NUGGC: variants seen among roughly 807,000 people sequenced by gnomAD.
NUGGC encodes nuclear GTPase, germinal center associated, also known as nuclear GTPase SLIP-GC.
In NUGGC, 58 loss-of-function variants were observed where a neutral mutation model predicts 92.6. The ratio of observed to expected loss-of-function variants is 0.63; its 90% CI spans 0.51 to 0.78. NUGGC has a LOEUF of 0.78. Ranked by LOEUF, NUGGC falls within the 30% of genes least tolerant of loss-of-function variation. The pLI is 0.00. For missense variants in NUGGC, 925 were observed against 964.6 expected (o/e 0.96, Z 0.54); for synonymous variants, 376 against 366.4 (o/e 1.03, Z -0.30).
chr8:28,033,571 G>T lies in NUGGC; in HGVS notation c.1738C>A (p.Gln580Lys), dbSNP rs1809477841. Residue 580 changes from glutamine (Q) to lysine (K), a missense_variant, in exon 14 of 19, where the codon CAG becomes AAG. Physicochemically the swap from Gln to Lys is moderately conservative, Grantham distance 53 (BLOSUM62 1). Coordinates refer to ENST00000413272, the MANE Select transcript of NUGGC (RefSeq NM_001010906.2). ...ATGCTTCCAAAAACAGGGTCGATCT[G>T]GTCATAGACGGGCTGAGTGAGGGCT... ...NEALTQPVYD[Q>K]IDPVFGSIFR... 1.2e-6 allele frequency: 2 copies of T among 1,613,984 alleles called. No homozygotes were observed. Among genetic ancestry groups the T allele is most frequent in the Middle Eastern group, 1.6e-4 (1 of 6,062 alleles).
Position 28,064,620 on chromosome 8 carries a change from T to G in NUGGC, c.823A>C (p.Thr275Pro), listed in dbSNP as rs774219993. The stretch of plus-strand genomic sequence containing the variant: ...GGGATCAGGTCGGATTTGGGAAGTG[T>G]CACTTCCACATGTTTGATCAAGGGC... ...IWPLIKHVEVTLPKSDLIPEG... is the reference protein window; with the variant it reads ...IWPLIKHVEVPLPKSDLIPEG... The change falls in exon 7 of 19, where the codon ACA (threonine) becomes CCA (proline). Residue 275 changes from threonine to proline, a missense_variant. Physicochemically the swap from Thr to Pro is conservative, Grantham distance 38. Transcript: ENST00000413272. 6.2e-7 allele frequency: 1 copy of G among 1,613,902 alleles called. No individual in the cohort carries two copies. Among genetic ancestry groups the G allele is most frequent in the Non-Finnish European group, 8.5e-7 (1 of 1,179,802 alleles).
intron 12 of NUGGC, 37 bp from the exon 13 acceptor site, chr8:28,041,252 C>G (rs564920100): frequency 1.3e-5 from 20 of 1,578,434 alleles, no homozygotes; most frequent in Admixed American, 3.5e-5. Flanking sequence ...AGGCCACCCC[C>G]TCCCTAAGGG....
intron 1 of NUGGC, among the ~76,000 whole-genome samples, chr8:28,078,780 A>G (rs527997169): frequency 7.2e-5 from 11 of 152,336 alleles, no homozygotes; most frequent in African/African-American, 2.4e-4. Context: ...AATGAGCTAC[A>G]GGAGTATAGT....
intron 6 of NUGGC, among the ~76,000 whole-genome samples, 190 bp from the exon 7 acceptor site, chr8:28,064,921 C>A (rs1329531071): frequency 6.6e-6 from 1 of 152,162 alleles, no homozygotes; most frequent in African/African-American, 2.4e-5. Flanking sequence ...GGAGCAAGTT[C>A]AAGATCCTTA....
At position 28,068,333 on chromosome 8, in the gene NUGGC, G is replaced by A; in HGVS notation, c.363C>T (p.Ile121=). 1 of 1,566,592 alleles carries A rather than the reference G, an allele frequency of 6.4e-7. No homozygotes were observed. The highest frequency in any genetic ancestry group is 1.4e-5 in the African/African-American group (1 of 73,986). The change falls in exon 5 of 19, where the codon ATC becomes ATT. Residue 121 remains isoleucine (I), a synonymous_variant. Transcript: ENST00000413272. The part of the protein sequence containing the change: ...AGKSSLINAI[I]QQAMFLPVSG... Reference sequence around the variant, plus strand: ...ACACTGGTAGAAACATTGCTTGCTGGATGATGGCATTGATCAGGGAGCTCT... The same window carrying A: ...ACACTGGTAGAAACATTGCTTGCTGAATGATGGCATTGATCAGGGAGCTCT...
chr8:28,071,263 G>A (rs574066160), intron 2 of NUGGC, among the ~76,000 whole-genome samples: 6 of 152,192 alleles, frequency 3.9e-5, no homozygotes, highest in South Asian at 2.1e-4. Context: ...AGCTGAAGAC[G>A]GGGTTAAGTG....
At chr8:28,079,933 T>TTTGC (rs1333104952) in intron 1 of NUGGC, among the ~76,000 whole-genome samples, 1 of 23,576 alleles carries the variant, frequency 4.2e-5, no homozygotes, top group Non-Finnish European at 1.1e-4. Flanking sequence ...TCTTTGTTTT[T>TTTGC]TTGTTTGTTT....
chr8:28,075,767 T>C (rs1283390989), intron 1 of NUGGC, among the ~76,000 whole-genome samples: 1 of 152,240 alleles, frequency 6.6e-6, no homozygotes, highest in African/African-American at 2.4e-5. Flanking sequence ...AAACGGCTTC[T>C]GTATTTGGTG....
intron 10 of NUGGC, among the ~76,000 whole-genome samples, chr8:28,049,303 C>T (rs2130158354): frequency 6.6e-6 from 1 of 152,132 alleles, no homozygotes; most frequent in South Asian, 2.1e-4. Context: ...TGAGATTTTG[C>T]TTTGATTGAG....
At chr8:28,047,766 G>A (rs1809877906) in intron 10 of NUGGC, among the ~76,000 whole-genome samples, 154 bp from the exon 11 acceptor site, 1 of 152,160 alleles carries the variant, frequency 6.6e-6, no homozygotes, top group Admixed American at 6.5e-5. Flanking sequence ...CTCAATGTCT[G>A]GTGTTGCCAT....
chr8:28,069,763 T>C (rs772455256), intron 3 of NUGGC, 111 bp from the exon 4 acceptor site: 1 of 723,426 alleles, frequency 1.4e-6, no homozygotes, highest in Non-Finnish European at 2.5e-6. Context: ...AAAAATGAAA[T>C]GAAAAGCCGA....
At position 28,070,103 on chromosome 8, in the gene NUGGC, G is replaced by A. The variant is rs546835201; in HGVS notation, c.148+149C>T. 548 of 1,433,718 alleles carry A rather than the reference G, an allele frequency of 3.8e-4. 2 individuals carry two copies. The highest frequency in any genetic ancestry group is 3.6e-3 in the South Asian group (227 of 63,708). 88.8% of individuals were successfully genotyped at this position (1,433,718 alleles called of 1,614,324 possible). A position where few individuals can be genotyped will look rare whatever the true frequency, so the allele number is the denominator to read the frequency against. ...GAGACAAATTGCCTAACTGCATACCGCTACAGAGACTTTGAGCCCTCTCTT... is the reference window on the plus strand; with the variant it reads ...GAGACAAATTGCCTAACTGCATACCACTACAGAGACTTTGAGCCCTCTCTT... On this transcript the variant is annotated intron_variant, in intron 3 of 18. Transcript: ENST00000413272.
At chr8:28,065,901 T>C (rs896386030) in intron 6 of NUGGC, among the ~76,000 whole-genome samples, 4 of 152,168 alleles carry the variant, frequency 2.6e-5, no homozygotes, top group African/African-American at 7.2e-5. Flanking sequence ...GCAGATACCG[T>C]AAGAGAGAAG....
chr8:28,074,456 C>T lies in NUGGC; in HGVS notation c.-46G>A. On this transcript the variant is annotated splice_region_variant and 5_prime_UTR_variant, in exon 2 of 19. Coordinates refer to ENST00000413272, the MANE Select transcript of NUGGC (RefSeq NM_001010906.2). ...GCTCTTCTCAGTTCAGGAGAACCAG[C>T]CTGTGAAGACAAAGTACAAAGACAG... 1 of 1,607,224 alleles carries T rather than the reference C, an allele frequency of 6.2e-7. No individual in the cohort carries two copies. Among genetic ancestry groups the T allele is most frequent in the Non-Finnish European group, 8.5e-7 (1 of 1,175,152 alleles).
chr8:28,067,156 C>A (rs912014857), intron 6 of NUGGC, among the ~76,000 whole-genome samples: 6 of 152,118 alleles, frequency 3.9e-5, no homozygotes, highest in African/African-American at 1.4e-4. Context: ...CTAAACCAAC[C>A]CCACCCCTAC....
rs1563219692 is a variant in NUGGC at position 28,045,555 on chromosome 8, T to C, written c.1418A>G (p.Asp473Gly). The C allele has an allele frequency of 6.2e-7, 1 of 1,612,676 alleles. No homozygotes were observed. The highest frequency in any genetic ancestry group is 2.2e-5 in the East Asian group (1 of 44,862). ...CAGGTTTTGCGTGGAGTTGAAACTA[T>C]CTGTGAGGAGCAACAGGCCAAAGGC... ...TEAFGLLLLTDSFNSTQNLPN... is the reference protein window; with the variant it reads ...TEAFGLLLLTGSFNSTQNLPN... Residue 473 changes from aspartate (D) to glycine (G), a missense_variant, in exon 12 of 19, where the codon GAT becomes GGT. Physicochemically the swap from Asp to Gly is moderately conservative, Grantham distance 94. Coordinates refer to ENST00000413272, the MANE Select transcript of NUGGC (RefSeq NM_001010906.2).
At chr8:28,051,654 A>G (rs542580974) in intron 10 of NUGGC, among the ~76,000 whole-genome samples, 9 of 152,332 alleles carry the variant, frequency 5.9e-5, no homozygotes, top group African/African-American at 2.2e-4. Context: ...GGCCAGGTGC[A>G]TTGGCTCATG....
At chr8:28,054,208 G>A (rs66913624) in intron 10 of NUGGC, among the ~76,000 whole-genome samples, 29,746 of 152,116 alleles carry the variant, frequency 0.2, 3,385 homozygotes, top group East Asian at 0.42. Flanking sequence ...TAGGCCAGAC[G>A]TGGTGGCTCA....
intron 17 of NUGGC, among the ~76,000 whole-genome samples, chr8:28,028,162 C>T (rs996250651): frequency 2.6e-5 from 4 of 151,778 alleles, no homozygotes; most frequent in Admixed American, 6.6e-5. Flanking sequence ...ACATGGTCAA[C>T]GTACACATTT....
Sources: allele counts gnomAD v4.1 joint callset (sites outside exome capture counted in the v4.1 genomes callset), GRCh38; gene constraint gnomAD v4.1.1; transcripts MANE v1.5; gene names NCBI Gene and HGNC (gene_info 2026-07-23, HGNC 2026-07-21).